The following PRDM10 variants were observed in gnomAD, a reference collection of about 807,000 sequenced individuals.
PRDM10 encodes the protein PR domain zinc finger protein 10.
Under a neutral mutation model 133.1 loss-of-function variants are expected in PRDM10, and 65 were observed. That is an observed-to-expected ratio of 0.49 (90% CI 0.40 to 0.60). PRDM10 has a LOEUF of 0.60. Among genes scored for constraint, PRDM10 ranks in the 20% least tolerant of loss-of-function variants. The probability of loss-of-function intolerance (pLI) is 0.00; values close to 1 mark genes in which losing one functional copy is unlikely to be tolerated. For synonymous variants in PRDM10, 582 were observed against 580.4 expected (o/e 1.00, Z -0.04); for missense variants, 1,137 against 1,507.1 (o/e 0.75, Z 4.07).
intron 1 of PRDM10, among the ~76,000 whole-genome samples, chr11:129,967,404 AT>A (rs1287956628): frequency 2.0e-5 from 3 of 152,202 alleles, no homozygotes; most frequent in East Asian, 1.9e-4. Context: ...AAACAAAAAA[AT>A]AAACAAAAAA....
intron 17 of PRDM10, among the ~76,000 whole-genome samples, chr11:129,914,249 G>A (rs1950282092): frequency 6.6e-6 from 1 of 152,158 alleles, no homozygotes; most frequent in Non-Finnish European, 1.5e-5. Flanking sequence ...TGATCTGCCC[G>A]CCTCAGCCTC....
At chr11:129,941,807 T>C (rs1169489427) in intron 7 of PRDM10, among the ~76,000 whole-genome samples, 2 of 152,250 alleles carry the variant, frequency 1.3e-5, no homozygotes, top group Non-Finnish European at 2.9e-5. Flanking sequence ...GGCTGAGGTA[T>C]GATATTCGTA....
At chr11:129,942,703 A>T (rs564600307) in intron 6 of PRDM10, 74 bp from the exon 7 acceptor site, 1 of 1,313,932 alleles carries the variant, frequency 7.6e-7, no homozygotes, top group African/African-American at 1.5e-5. Flanking sequence ...ATGTCACAAT[A>T]CGCAAAATAT....
intron 19 of PRDM10, among the ~76,000 whole-genome samples, chr11:129,906,692 T>C (rs961816155): frequency 2.0e-5 from 3 of 152,286 alleles, no homozygotes; most frequent in African/African-American, 7.2e-5. Flanking sequence ...GGTGCTAGAA[T>C]CATGGCCAGG....
At chr11:129,910,453 C>T (rs777552440) in intron 19 of PRDM10, 23 bp downstream of exon 19, 36 of 1,613,144 alleles carry the variant, frequency 2.2e-5, no homozygotes, top group African/African-American at 9.3e-5. Flanking sequence ...CTGACCGACA[C>T]GGCATCGTCC....
intron 1 of PRDM10, among the ~76,000 whole-genome samples, chr11:129,970,390 G>C (rs376024699): frequency 6.6e-6 from 1 of 152,182 alleles, no homozygotes; most frequent in African/African-American, 2.4e-5. Context: ...AAGCAGAGGA[G>C]CTACAATGTA....
At chr11:129,925,703 AAAACAAAC>A (rs553948682) in intron 11 of PRDM10, among the ~76,000 whole-genome samples, 2 of 113,210 alleles carry the variant, frequency 1.8e-5, no homozygotes, top group African/African-American at 9.8e-5. Flanking sequence ...TAGCAAAAAC[AAAACAAAC>A]AAACAAACAA....
chr11:129,947,946 C>G lies in PRDM10; in HGVS notation c.295-576G>C. 1 of 437,032 alleles carries G rather than the reference C, an allele frequency of 2.3e-6. No individual in the cohort carries two copies. Among genetic ancestry groups the G allele is most frequent in the South Asian group, 1.6e-5 (1 of 60,802 alleles). 27.1% of individuals were successfully genotyped at this position (437,032 alleles called of 1,614,324 possible). A position where few individuals can be genotyped will look rare whatever the true frequency, so the allele number is the denominator to read the frequency against. ...GGGGGTAAATGAGTTGACCTATCCT[C>G]AACCACTTGTCTTTTAAAACTAAAC... On this transcript the variant is annotated intron_variant, in intron 4 of 20. Transcript: ENST00000360871. This position sits in a 1 kb window ranked among gnomAD's most constrained non-coding sequence, Gnocchi z 4.6.
intron 1 of PRDM10, among the ~76,000 whole-genome samples, chr11:129,977,680 C>T (rs927179806): frequency 7.9e-5 from 12 of 152,110 alleles, no homozygotes; most frequent in East Asian, 3.9e-4. Context: ...GGAGGCCAGG[C>T]ACGGTAGCTC....
intron 1 of PRDM10, among the ~76,000 whole-genome samples, chr11:129,968,039 G>A (rs1951942504): frequency 6.6e-6 from 1 of 152,134 alleles, no homozygotes; most frequent in African/African-American, 2.4e-5. Flanking sequence ...TGCACACAGA[G>A]GTGGAGGAAG....
In PRDM10 at chr11:129,902,353, T is replaced by TTGG. The variant is rs1476045175; in HGVS notation, c.3428_3430dup (p.Thr1143dup). 2.5e-6 allele frequency: 4 copies of TTGG among 1,613,952 alleles called. No individual in the cohort carries two copies. The East Asian group carries it at 6.7e-5, about 27-fold the overall frequency. On this transcript the variant is annotated inframe_insertion, in exon 21 of 21. Transcript: ENST00000360871. The stretch of plus-strand genomic sequence containing the variant: ...ATGCACTTCGCTGCTTCCGTTCCCG[T>TTGG]TGGTGGTGGTGGTGATGATGTACTG...
chr11:129,991,363 A>T (rs1214558512), intron 1 of PRDM10, among the ~76,000 whole-genome samples: 1 of 152,212 alleles, frequency 6.6e-6, no homozygotes, highest in African/African-American at 2.4e-5. Context: ...TGTAAAGTTC[A>T]ACTTCAAATT....
In PRDM10 at chr11:129,923,671, A is replaced by ATT. The variant is rs1950585758; in HGVS notation, c.1879-269_1879-268insAA. On this transcript the variant is annotated intron_variant, in intron 12 of 20. Transcript: ENST00000360871. The surrounding 1 kb of genome is among the most constrained non-coding windows in gnomAD (Gnocchi z 4.4). ...GAGAGAGAGAGAGAGAGAGAGAGAG[A>ATT]GAGAGAGAGAGAGAGAGAGAGAGTG... Among the ~76,000 whole-genome samples the ATT allele has an allele frequency of 2.6e-5, 4 of 151,008 alleles. No homozygotes were observed. The highest frequency in any genetic ancestry group is 5.9e-5 in the Non-Finnish European group (4 of 67,850).
rs568953622 is a variant in PRDM10 at position 129,930,873 on chromosome 11, T to A, written c.1530+143A>T. On this transcript the variant is annotated intron_variant, in intron 11 of 20. Transcript: ENST00000360871. ...ATTGAGAAATAGTGAACACTTTCTTTCAAAATAAGGGGATCGAGCATGTGA... is the reference window on the plus strand; with the variant it reads ...ATTGAGAAATAGTGAACACTTTCTTACAAAATAAGGGGATCGAGCATGTGA... 301 of 1,294,024 alleles carry A rather than the reference T, an allele frequency of 2.3e-4. 1 individual carries two copies. The highest frequency in any genetic ancestry group is 3.0e-4 in the Non-Finnish European group (283 of 956,132). 80.2% of individuals were successfully genotyped at this position (1,294,024 alleles called of 1,614,324 possible).
chr11:129,962,561 G>A (rs1951817255), intron 1 of PRDM10, among the ~76,000 whole-genome samples: 1 of 152,234 alleles, frequency 6.6e-6, no homozygotes, highest in Non-Finnish European at 1.5e-5. Flanking sequence ...GTGAATGTAA[G>A]AAGAAAGGAA....
chr11:129,934,528 G>A (rs575143837), intron 9 of PRDM10, among the ~76,000 whole-genome samples: 1 of 151,520 alleles, frequency 6.6e-6, no homozygotes, highest in Non-Finnish European at 1.5e-5. Flanking sequence ...TTTTCCAGGT[G>A]TTATTTTTAT....
intron 9 of PRDM10, among the ~76,000 whole-genome samples, chr11:129,934,088 TCA>T (rs1950954066): frequency 2.0e-5 from 3 of 152,226 alleles, no homozygotes; most frequent in Non-Finnish European, 4.4e-5. Flanking sequence ...GTGCGTGCTC[TCA>T]GTTCCCATCC....
chr11:129,975,771 G>T (rs370854996), intron 1 of PRDM10, among the ~76,000 whole-genome samples: 1 of 152,162 alleles, frequency 6.6e-6, no homozygotes. Flanking sequence ...CACCGCCCTC[G>T]AAGTGCTGGG....
In PRDM10 at chr11:129,947,335, G is replaced by A; in HGVS notation, c.330C>T (p.Ser110=). The part of the protein sequence containing the change: ...SLPVHNQVLP[S]IESVDGSDPL... Reference sequence around the variant, plus strand: ...GGTCGGACCCATCTACACTCTCGATGGAAGGCAGCACCTGGTTATGAACTG... The same window carrying A: ...GGTCGGACCCATCTACACTCTCGATAGAAGGCAGCACCTGGTTATGAACTG... Residue 110 remains serine (S), a synonymous_variant, in exon 5 of 21, where the codon TCC becomes TCT. Coordinates refer to ENST00000360871, the MANE Select transcript of PRDM10 (RefSeq NM_199437.2). This position sits in a 1 kb window ranked among gnomAD's most constrained non-coding sequence, Gnocchi z 4.6. 1.9e-6 allele frequency: 3 copies of A among 1,614,188 alleles called. No individual in the cohort carries two copies. The highest frequency in any genetic ancestry group is 2.5e-6 in the Non-Finnish European group (3 of 1,180,038).
Sources: allele counts gnomAD v4.1 joint callset (sites outside exome capture counted in the v4.1 genomes callset), GRCh38; gene constraint gnomAD v4.1.1; non-coding constraint Gnocchi (gnomAD v3.1); transcripts MANE v1.5; gene names NCBI Gene and HGNC (gene_info 2026-07-23, HGNC 2026-07-21).